The following STPG2 variants were observed in gnomAD, a reference collection of about 807,000 sequenced individuals.
The protein encoded by STPG2 is sperm tail PG-rich repeat containing 2.
Under a neutral mutation model 54.2 loss-of-function variants are expected in STPG2, and 56 were observed. That is an observed-to-expected ratio of 1.03 (90% CI 0.83 to 1.29). STPG2 has a LOEUF of 1.29. STPG2 is among the 50% of genes most tolerant of loss of function. The pLI is 0.00. For synonymous variants in STPG2, 200 were observed against 181.8 expected, an observed-to-expected ratio of 1.10 and a Z score of -0.81; for missense variants, 596 against 544.9, an observed-to-expected ratio of 1.09 and a Z score of -0.93.
chr4:97,673,570 C>T (rs1722757189), intron 10 of STPG2, among the ~76,000 whole-genome samples: 1 of 152,124 alleles, frequency 6.6e-6, no homozygotes, highest in Non-Finnish European at 1.5e-5. Flanking sequence ...CCAGAATCTC[C>T]CCTTCTTTCA....
intron 1 of STPG2, among the ~76,000 whole-genome samples, chr4:98,138,354 T>C (rs1740191022): frequency 6.6e-6 from 1 of 151,956 alleles, no homozygotes; most frequent in East Asian, 1.9e-4. Context: ...AAGAAGAAAT[T>C]AAGTGTATAG....
At chr4:97,464,545 T>G (rs1024030982) in intron 4 of STPG2, among the ~76,000 whole-genome samples, 1 of 152,118 alleles carries the variant, frequency 6.6e-6, no homozygotes, top group Admixed American at 6.6e-5. Context: ...GCCTCCCAAG[T>G]AGCTGGAATT....
At chr4:97,946,850 G>C (rs375439012) in intron 7 of STPG2, among the ~76,000 whole-genome samples, 2 of 151,914 alleles carry the variant, frequency 1.3e-5, no homozygotes, top group Admixed American at 1.3e-4. Context: ...TGTTCTTTTA[G>C]CTTTGTATTG....
intron 10 of STPG2, among the ~76,000 whole-genome samples, chr4:97,576,803 A>G (rs1732735265): frequency 6.6e-6 from 1 of 152,154 alleles, no homozygotes; most frequent in Admixed American, 6.6e-5. Context: ...CAACATAGAA[A>G]ATATACAACC....
chr4:97,862,013 AC>A (rs1412983858), intron 8 of STPG2, among the ~76,000 whole-genome samples: 3 of 152,274 alleles, frequency 2.0e-5, no homozygotes, highest in Non-Finnish European at 4.4e-5. Context: ...AACTGCATCA[AC>A]TAACGAGCAA....
At chr4:97,939,216 T>G (rs1369503588) in intron 8 of STPG2, among the ~76,000 whole-genome samples, 1 of 152,204 alleles carries the variant, frequency 6.6e-6, no homozygotes, top group African/African-American at 2.4e-5. Context: ...TGTTGAAGAT[T>G]GTTTTATGTC....
intron 10 of STPG2, among the ~76,000 whole-genome samples, chr4:97,617,455 C>T (rs1248802531): frequency 1.3e-5 from 2 of 152,110 alleles, no homozygotes; most frequent in Non-Finnish European, 2.9e-5. Context: ...CTATATTTGC[C>T]GGGAAGTACA....
chr4:97,784,777 G>A (rs1276002529), intron 9 of STPG2, among the ~76,000 whole-genome samples: 1 of 151,824 alleles, frequency 6.6e-6, no homozygotes, highest in Non-Finnish European at 1.5e-5. Context: ...ATAATCAATT[G>A]GAAATGATTA....
intron 4 of STPG2, among the ~76,000 whole-genome samples, chr4:97,444,150 A>G (rs1729159538): frequency 6.6e-6 from 1 of 152,174 alleles, no homozygotes; most frequent in Non-Finnish European, 1.5e-5. Context: ...TATACAAAAG[A>G]GCATACAAGA....
chr4:97,442,254 T>A (rs1183750029), intron 4 of STPG2, among the ~76,000 whole-genome samples: 1 of 151,862 alleles, frequency 6.6e-6, no homozygotes, highest in Non-Finnish European at 1.5e-5. Context: ...ATGGTTACTC[T>A]TTCCCCATTT....
intron 8 of STPG2, among the ~76,000 whole-genome samples, chr4:97,848,997 C>T (rs1729060857): frequency 6.7e-6 from 1 of 149,492 alleles, no homozygotes; most frequent in South Asian, 2.1e-4. Context: ...TTTTTTGGTT[C>T]CATATGAACT....
In STPG2 at chr4:97,977,333, AT is replaced by A. The variant is rs1356858276; in HGVS notation, c.772+3825del. Among the ~76,000 whole-genome samples, 7 of 152,210 alleles carry A rather than the reference AT, an allele frequency of 4.6e-5. No individual in the cohort carries two copies. The East Asian group carries it at 1.3e-3, about 29-fold the overall frequency. ...ACTCATAAACCAGCTTTTTAAAAAA[AT>A]GTTATAATCCTATTAAATTTCTTTA... On this transcript the variant is annotated intron_variant, in intron 6 of 10. Coordinates refer to ENST00000295268, the MANE Select transcript of STPG2 (RefSeq NM_174952.3).
At chr4:97,910,548 C>T (rs1731638750) in intron 8 of STPG2, among the ~76,000 whole-genome samples, 1 of 152,100 alleles carries the variant, frequency 6.6e-6, no homozygotes, top group East Asian at 1.9e-4. Flanking sequence ...GAACCACAGC[C>T]CACAAAAGTG....
chr4:97,686,613 A>AT (rs1723195951), intron 10 of STPG2, among the ~76,000 whole-genome samples: 3 of 152,120 alleles, frequency 2.0e-5, no homozygotes, highest in Non-Finnish European at 4.4e-5. Context: ...ATTCGTTCAC[A>AT]TACTCCCCAA....
intron 5 of STPG2, among the ~76,000 whole-genome samples, chr4:98,082,613 G>A (rs1738383393): frequency 6.6e-6 from 1 of 150,942 alleles, no homozygotes; most frequent in South Asian, 2.1e-4. Context: ...CACTACACCC[G>A]GATAATTTTT....
chr4:97,960,177 C>T (rs1733833999), intron 7 of STPG2, among the ~76,000 whole-genome samples: 1 of 151,954 alleles, frequency 6.6e-6, no homozygotes, highest in South Asian at 2.1e-4. Context: ...TCATCAAAAT[C>T]AGCATAGAAG....
At chr4:97,478,783 C>A (rs1167033107) in intron 4 of STPG2, among the ~76,000 whole-genome samples, 1 of 151,672 alleles carries the variant, frequency 6.6e-6, no homozygotes, top group South Asian at 2.1e-4. Flanking sequence ...AACTGTATCG[C>A]TAGACTTACC....
At chr4:97,828,784 G>A (rs1728345520) in intron 9 of STPG2, among the ~76,000 whole-genome samples, 1 of 152,146 alleles carries the variant, frequency 6.6e-6, no homozygotes, top group Admixed American at 6.5e-5. Context: ...GAACTGGGTG[G>A]AGCCCACCAC....
chr4:97,872,545 C>T (rs975512210), intron 8 of STPG2, among the ~76,000 whole-genome samples: 1 of 150,682 alleles, frequency 6.6e-6, no homozygotes, highest in Non-Finnish European at 1.5e-5. Flanking sequence ...TGAAAAAACA[C>T]GTAAGAATAA....
Sources: allele counts gnomAD v4.1 joint callset (sites outside exome capture counted in the v4.1 genomes callset), GRCh38; gene constraint gnomAD v4.1.1; transcripts MANE v1.5; gene names NCBI Gene and HGNC (gene_info 2026-07-23, HGNC 2026-07-21).